The following CDK13 variants were observed in gnomAD, a reference collection of about 807,000 sequenced individuals.
The protein encoded by CDK13 is cyclin dependent kinase 13, also known as cyclin-dependent kinase 13.
In CDK13, 40 loss-of-function variants were observed where a neutral mutation model predicts 137.6. That is an observed-to-expected ratio of 0.29 (90% CI 0.23 to 0.38). The LOEUF (loss-of-function observed/expected upper bound fraction) is 0.38, where lower values mean the gene tolerates loss of function less well. Among genes scored for constraint, CDK13 ranks in the 10% least tolerant of loss-of-function variants. CDK13 has a pLI of 1.00. For synonymous variants in CDK13, 869 were observed against 760.1 expected (o/e 1.14, Z -2.36); for missense variants, 1,704 against 1,951.8 (o/e 0.87, Z 2.39).
intron 5 of CDK13, among the ~76,000 whole-genome samples, chr7:40,020,817 G>T (rs879591590): frequency 4.6e-5 from 7 of 152,186 alleles, no homozygotes; most frequent in Admixed American, 4.6e-4. Context: ...GTAGGGGTGG[G>T]CACGGTGGCT....
chr7:40,001,840 T>C (rs1395909375), intron 4 of CDK13, 21 bp from the exon 5 acceptor site: 25 of 1,501,762 alleles, frequency 1.7e-5, no homozygotes, highest in Non-Finnish European at 2.2e-5. Context: ...GGTAACCTGA[T>C]TTTATTAAAT....
intron 1 of CDK13, among the ~76,000 whole-genome samples, chr7:39,972,741 T>A (rs1784026563): frequency 6.6e-6 from 1 of 152,164 alleles, no homozygotes; most frequent in Non-Finnish European, 1.5e-5. Context: ...TTTTTGGCTA[T>A]TTTTTTAATG....
intron 11 of CDK13, among the ~76,000 whole-genome samples, chr7:40,086,839 G>A (rs1209421144): frequency 2.1e-5 from 3 of 145,818 alleles, no homozygotes. Context: ...TTGAGATAGG[G>A]TCTGGCTCTG....
chr7:40,069,343 C>A lies in CDK13; in HGVS notation c.2780+6243C>A, dbSNP rs115647857. Reference sequence around the variant, plus strand: ...AAAATGAAGTTTCTGATAAACAAATCTGACTATAATGAGGCAACGGAGTAT... The same window carrying A: ...AAAATGAAGTTTCTGATAAACAAATATGACTATAATGAGGCAACGGAGTAT... On this transcript the variant is annotated intron_variant, in intron 9 of 13. Transcript: ENST00000181839. 214 of 456,080 alleles carry A rather than the reference C, an allele frequency of 4.7e-4. 1 individual carries two copies. Among genetic ancestry groups the A allele is most frequent in the African/African-American group, 4.2e-3 (209 of 50,140 alleles). 28.3% of individuals were successfully genotyped at this position (456,080 alleles called of 1,614,324 possible).
intron 5 of CDK13, among the ~76,000 whole-genome samples, chr7:40,045,531 C>T (rs949220265): frequency 2.7e-5 from 4 of 147,746 alleles, no homozygotes; most frequent in Admixed American, 6.8e-5. Flanking sequence ...GACAATTTGA[C>T]GTCTAAAACA....
rs550539818 is a variant in CDK13 at position 40,088,901 on chromosome 7, G to A, written c.3235+570G>A. ...TCGAGACTAGCCTGGCCAACATCGCGAAACCCCGTCTCTACTAAAAATACA... is the reference window on the plus strand; with the variant it reads ...TCGAGACTAGCCTGGCCAACATCGCAAAACCCCGTCTCTACTAAAAATACA... On this transcript the variant is annotated intron_variant, in intron 12 of 13. Transcript: ENST00000181839. 2.0e-5 allele frequency among the ~76,000 whole-genome samples: 3 copies of A among 152,158 alleles called. No homozygotes were observed. The South Asian group carries it at 6.2e-4, about 32-fold the overall frequency.
chr7:39,975,429 A>G (rs993587068), intron 1 of CDK13, among the ~76,000 whole-genome samples: 1 of 151,848 alleles, frequency 6.6e-6, no homozygotes, highest in East Asian at 1.9e-4. Context: ...AACAAAAAAA[A>G]CCCCTCAAAT....
intron 1 of CDK13, among the ~76,000 whole-genome samples, chr7:39,959,306 C>T (rs1787531023): frequency 6.6e-6 from 1 of 151,052 alleles, no homozygotes; most frequent in Non-Finnish European, 1.5e-5. Flanking sequence ...GGATTACAGG[C>T]ATGCGCCACC....
rs754600933 is a variant in CDK13 at position 40,093,146 on chromosome 7, A to T, written c.3597A>T (p.Lys1199Asn). The change falls in exon 13 of 14, where the codon AAA becomes AAT. Residue 1199 changes from lysine (K) to asparagine (N), a missense_variant. Transcript: ENST00000181839. ...QLIKAQQSKQ[K>N]DVLLEERENG... ...TAAAGGCTCAGCAGTCAAAGCAGAAAGATGTGCTACTAGAAGAGAGGGAAA... is the reference window on the plus strand; with the variant it reads ...TAAAGGCTCAGCAGTCAAAGCAGAATGATGTGCTACTAGAAGAGAGGGAAA... The T allele has an allele frequency of 2.5e-6, 4 of 1,614,114 alleles. No individual in the cohort carries two copies. The highest frequency in any genetic ancestry group is 1.7e-5 in the Admixed American group (1 of 60,006).
intron 1 of CDK13, among the ~76,000 whole-genome samples, chr7:39,974,159 T>A (rs1161174957): frequency 6.6e-6 from 1 of 152,214 alleles, no homozygotes; most frequent in Non-Finnish European, 1.5e-5. Context: ...ATTTTAAAAA[T>A]TTTTTGTTTC....
intron 7 of CDK13, among the ~76,000 whole-genome samples, chr7:40,049,405 G>A (rs375339358): frequency 7.0e-6 from 1 of 142,132 alleles, no homozygotes; most frequent in East Asian, 1.9e-4. Flanking sequence ...GGTTGTATGA[G>A]TGTTTTTTTT....
chr7:40,003,196 A>ACTCTCT (rs1181645921), intron 5 of CDK13, among the ~76,000 whole-genome samples: 24 of 107,598 alleles, frequency 2.2e-4, no homozygotes, highest in African/African-American at 7.7e-4. Flanking sequence ...ACACACACAC[A>ACTCTCT]CACACACACA....
At chr7:40,059,899 A>G (rs540886717) in intron 7 of CDK13, among the ~76,000 whole-genome samples, 68 of 152,292 alleles carry the variant, frequency 4.5e-4, no homozygotes, top group African/African-American at 1.5e-3. Context: ...TTACAGTTGA[A>G]TGTTTTGTCT....
In CDK13 at chr7:40,099,049, C is replaced by A. The variant is rs1476331347; in HGVS notation, c.*4069C>A. ...CTTTCAAGGTTTTATGCAATAAAAC[C>A]TATTGATTTGGAACTTTAAAAAAAA... On this transcript the variant is annotated 3_prime_UTR_variant, in exon 14 of 14. Coordinates refer to ENST00000181839, the MANE Select transcript of CDK13 (RefSeq NM_003718.5). The A allele has an allele frequency of 6.7e-6, 1 of 150,096 alleles. No individual in the cohort carries two copies. 9.3% of individuals were successfully genotyped at this position (150,096 alleles called of 1,614,324 possible).
At chr7:39,981,385 T>A (rs941919035) in intron 1 of CDK13, among the ~76,000 whole-genome samples, 3 of 135,686 alleles carry the variant, frequency 2.2e-5, no homozygotes, top group African/African-American at 3.5e-5. Context: ...AAAAAAAAAA[T>A]TATCTATTAA....
In CDK13 at chr7:40,094,912, T is replaced by A; in HGVS notation, c.4471T>A (p.Ser1491Thr). The A allele has an allele frequency of 6.6e-7, 1 of 1,505,608 alleles. No homozygotes were observed. The highest frequency in any genetic ancestry group is 8.9e-7 in the Non-Finnish European group (1 of 1,128,226). 93.3% of individuals were successfully genotyped at this position (1,505,608 alleles called of 1,614,324 possible). A position where few individuals can be genotyped will look rare whatever the true frequency, so the allele number is the denominator to read the frequency against. Residue 1491 changes from serine to threonine, a missense_variant, in exon 14 of 14, where the codon TCA becomes ACA. Physicochemically the swap from Ser to Thr is moderately conservative, Grantham distance 58. Transcript: ENST00000181839. ...WTSPAQGPGYSQGYRGHISTS... is the reference protein window; with the variant it reads ...WTSPAQGPGYTQGYRGHISTS... ...TTCTCCTGCCCAAGGACCTGGATAT[T>A]CACAAGGATACAGGGGACATATTAG...
Position 39,951,286 on chromosome 7 carries a change from G to T in CDK13, c.645G>T (p.Glu215Asp), listed in dbSNP as rs1185235703. The change falls in exon 1 of 14, where the codon GAG becomes GAT. Residue 215 changes from glutamate (E) to aspartate (D), a missense_variant. Physicochemically the swap from Glu to Asp is conservative, Grantham distance 45. This residue lies in a region of CDK13 where 1,051 missense variants were observed against 931.0 expected (regional missense o/e 1.13). Coordinates refer to ENST00000181839, the MANE Select transcript of CDK13 (RefSeq NM_003718.5). ...SSGRSKERHR[E>D]HRRRDGQRGG... ...GCCGCAGCAAGGAGCGCCACCGCGA[G>T]CACCGGCGGCGGGATGGGCAGCGCG... 2 of 1,362,472 alleles carry T rather than the reference G, an allele frequency of 1.5e-6. No homozygotes were observed. The highest frequency in any genetic ancestry group is 8.0e-5 in the Admixed American group (2 of 25,130). The allele number at this position is 1,362,472 out of a possible 1,614,324, so 84.4% of individuals were successfully genotyped here. A position where few individuals can be genotyped will look rare whatever the true frequency, so the allele number is the denominator to read the frequency against.
In CDK13 at chr7:40,094,522, C is replaced by G. The variant is rs746659778; in HGVS notation, c.4081C>G (p.Pro1361Ala). Reference sequence around the variant, plus strand: ...TGATGGTCTAGGAAGCAGTTCTGCTCCACCACTAGAACGACGTAGTTTCAT... The same window carrying G: ...TGATGGTCTAGGAAGCAGTTCTGCTGCACCACTAGAACGACGTAGTTTCAT... ...SNDGLGSSSA[P>A]PLERRSFIGN... Residue 1361 changes from proline (P) to alanine (A), a missense_variant, in exon 14 of 14, where the codon CCA (proline) becomes GCA (alanine). Pro to Ala is a conservative substitution (Grantham distance 27). Around this residue, in one of 5 missense-constraint regions of CDK13, gnomAD observed 475 missense variants for 579.3 expected, o/e 0.82. Coordinates refer to ENST00000181839, the MANE Select transcript of CDK13 (RefSeq NM_003718.5). The G allele has an allele frequency of 6.2e-7, 1 of 1,612,604 alleles. No homozygotes were observed.
intron 10 of CDK13, 93 bp from the exon 11 acceptor site, chr7:40,078,627 T>G (rs1166720012): frequency 1.4e-6 from 1 of 691,286 alleles, no homozygotes; most frequent in Non-Finnish European, 2.0e-6. Context: ...TAGTTTTAGT[T>G]TTAAAATTTA....
Sources: gnomAD v4.1 joint callset for allele counts (sites outside exome capture counted in the v4.1 genomes callset) on GRCh38, gnomAD v4.1.1 for gene constraint, gnomAD v4.1.1 regional missense constraint, MANE v1.5 for transcripts, NCBI Gene and HGNC (gene_info 2026-07-23, HGNC 2026-07-21) for gene names.